The following DDOST variants were observed in gnomAD, a reference collection of about 807,000 sequenced individuals.
DDOST encodes the protein dolichyl-diphosphooligosaccharide--protein glycosyltransferase non-catalytic subunit.
DDOST carries 25 observed loss-of-function variants against 47.6 expected under a neutral mutation model. That is an observed-to-expected ratio of 0.53 (90% CI 0.38 to 0.73). The LOEUF is 0.73. Ranked by LOEUF, DDOST falls within the 30% of genes least tolerant of loss-of-function variation. DDOST has a pLI of 0.00. For missense variants in DDOST, 526 were observed against 573.9 expected (o/e 0.92, Z 0.85); for synonymous variants, 275 against 236.0 (o/e 1.17, Z -1.51).
At chr1:20,660,231 A>G (rs2053420432) in intron 2 of DDOST, among the ~76,000 whole-genome samples, 1 of 152,232 alleles carries the variant, frequency 6.6e-6, no homozygotes, top group Admixed American at 6.5e-5. Context: ...AACAAAATAA[A>G]GCAGGAGACA....
chr1:20,655,559 G>GGT, intron 4 of DDOST, 25 bp from the exon 5 acceptor site: 1 of 1,609,730 alleles, frequency 6.2e-7, no homozygotes, highest in South Asian at 1.1e-5. Flanking sequence ...TGGAAAGGTG[G>GGT]GTGGTCAGGA....
chr1:20,658,325 T>C (rs1353442090), intron 2 of DDOST, among the ~76,000 whole-genome samples: 2 of 152,186 alleles, frequency 1.3e-5, no homozygotes, highest in East Asian at 3.9e-4. Flanking sequence ...AGGCCAGCAC[T>C]CACTCACCTG....
intron 2 of DDOST, 95 bp downstream of exon 2, chr1:20,660,786 C>A: frequency 1.4e-6 from 1 of 733,904 alleles, no homozygotes; most frequent in Admixed American, 2.3e-5. Flanking sequence ...GGCAACCCAT[C>A]CTGTGACCCA....
chr1:20,652,212 TA>T lies in DDOST; in HGVS notation c.*166del, dbSNP rs931204168. The stretch of plus-strand genomic sequence containing the variant: ...TCAAAGTGGAAAAACTTCTTTTATA[TA>T]AAAATTATCCCAACTCCCACCCCTT... On this transcript the variant is annotated 3_prime_UTR_variant, in exon 11 of 11. Coordinates refer to ENST00000602624, the MANE Select transcript of DDOST (RefSeq NM_005216.5). 4.8e-6 allele frequency: 3 copies of T among 628,914 alleles called. No individual in the cohort carries two copies. The highest frequency in any genetic ancestry group is 3.0e-5 in the South Asian group (1 of 32,816). 39.0% of individuals were successfully genotyped at this position (628,914 alleles called of 1,614,324 possible).
At position 20,652,334 on chromosome 1, in the gene DDOST, C is replaced by G; in HGVS notation, c.*45G>C. 1 of 1,511,340 alleles carries G rather than the reference C, an allele frequency of 6.6e-7. No homozygotes were observed. Among genetic ancestry groups the G allele is most frequent in the Non-Finnish European group, 8.8e-7 (1 of 1,131,264 alleles). 93.6% of individuals were successfully genotyped at this position (1,511,340 alleles called of 1,614,324 possible). ...CAAAACCACCAATCCTAATAACCCC[C>G]CTCCTTGCCCCGTCTCCACGCTGTG... On this transcript the variant is annotated 3_prime_UTR_variant, in exon 11 of 11. Coordinates refer to ENST00000602624, the MANE Select transcript of DDOST (RefSeq NM_005216.5).
At chr1:20,653,837 G>C (rs954150622) in intron 7 of DDOST, 63 bp from the exon 8 acceptor site, 2 of 1,556,772 alleles carry the variant, frequency 1.3e-6, no homozygotes, top group African/African-American at 2.7e-5. Flanking sequence ...TGCCTGATGG[G>C]CAGGACCACT....
intron 5 of DDOST, 72 bp downstream of exon 5, chr1:20,655,368 A>G: frequency 8.0e-7 from 1 of 1,255,830 alleles, no homozygotes; most frequent in Non-Finnish European, 1.1e-6. Context: ...TTTTGCCTTG[A>G]TTTCCCAAAA....
intron 10 of DDOST, 23 bp downstream of exon 10, chr1:20,652,598 C>G: frequency 6.2e-7 from 1 of 1,614,132 alleles, no homozygotes; most frequent in Non-Finnish European, 8.5e-7. Flanking sequence ...TAGCTGAAAA[C>G]AGAAGCTGTC....
Position 20,654,360 on chromosome 1 carries a change from C to T in DDOST, c.657G>A (p.Ala219=), listed in dbSNP as rs761610774. The stretch of plus-strand genomic sequence containing the variant: ...CAATGAGGAGGGTGTTCTTCCCCAC[C>T]GCATGTGGATACTGGGAACAAAACG... ...PDKPITQYPH[A]VGKNTLLIAG... Residue 219 remains alanine (A), a synonymous_variant, in exon 7 of 11, where the codon GCG becomes GCA. Coordinates refer to ENST00000602624, the MANE Select transcript of DDOST (RefSeq NM_005216.5). The T allele has an allele frequency of 1.9e-5, 29 of 1,559,780 alleles. No homozygotes were observed. The highest frequency in any genetic ancestry group is 9.6e-5 in the East Asian group (4 of 41,802).
At chr1:20,660,600 G>A (rs1289519114) in intron 2 of DDOST, 1 of 272,824 alleles carries the variant, frequency 3.7e-6, no homozygotes, top group East Asian at 7.7e-5. Flanking sequence ...CTTTTTATCA[G>A]GCCCTTTACA....
chr1:20,661,014 T>C (rs770645431), intron 1 of DDOST, 23 bp from the exon 2 acceptor site: 1 of 1,579,500 alleles, frequency 6.3e-7, no homozygotes, highest in Non-Finnish European at 8.7e-7. Flanking sequence ...AAACAGGTAG[T>C]TGAGGAAGAC....
At chr1:20,659,413 C>T (rs888553598) in intron 2 of DDOST, among the ~76,000 whole-genome samples, 1 of 152,146 alleles carries the variant, frequency 6.6e-6, no homozygotes, top group Non-Finnish European at 1.5e-5. Flanking sequence ...CATCTTACAT[C>T]CTGACACAGG....
At position 20,652,933 on chromosome 1, in the gene DDOST, T is replaced by C. The variant is rs1187779212; in HGVS notation, c.981A>G (p.Lys327=). 1 of 1,614,168 alleles carries C rather than the reference T, an allele frequency of 6.2e-7. No individual in the cohort carries two copies. The highest frequency in any genetic ancestry group is 8.5e-7 in the Non-Finnish European group (1 of 1,180,018). ...SIVIQQLSNG[K]WVPFDGDDIQ... ...TGTCATCGCCATCAAAGGGGACCCA[T>C]TTGCCATTTGAGAGCTGCTGGATCA... The change falls in exon 9 of 11, where the codon AAA becomes AAG. Residue 327 remains lysine (K), a synonymous_variant. Coordinates refer to ENST00000602624, the MANE Select transcript of DDOST (RefSeq NM_005216.5).
At position 20,655,663 on chromosome 1, in the gene DDOST, C is replaced by T. The variant is rs761964650; in HGVS notation, c.456+13G>A. On this transcript the variant is annotated intron_variant, in intron 4 of 10. Coordinates refer to ENST00000602624, the MANE Select transcript of DDOST (RefSeq NM_005216.5). ...TATGCCCCTGAAACCTGGAAGGTGA[C>T]AGGCCTGATTACCTGGCCAAGGTCT... 6.2e-7 allele frequency: 1 copy of T among 1,607,794 alleles called. No homozygotes were observed. The highest frequency in any genetic ancestry group is 1.1e-5 in the South Asian group (1 of 90,970).
Position 20,652,499 on chromosome 1 carries a change from C to T in DDOST, c.1200G>A (p.Gln400=), listed in dbSNP as rs2053304637. ...QVSVRPLQHT[Q]YERFIPSAYP... Reference sequence around the variant, plus strand: ...AGGCCGAGGGGATGAAGCGCTCATACTGCGTGTGCTGGAGTGGCCGCACGG... The same window carrying T: ...AGGCCGAGGGGATGAAGCGCTCATATTGCGTGTGCTGGAGTGGCCGCACGG... The change falls in exon 11 of 11, where the codon CAG becomes CAA. Residue 400 remains glutamine (Q), a synonymous_variant. Coordinates refer to ENST00000602624, the MANE Select transcript of DDOST (RefSeq NM_005216.5). 6.2e-7 allele frequency: 1 copy of T among 1,614,034 alleles called. No individual in the cohort carries two copies. The highest frequency in any genetic ancestry group is 8.5e-7 in the Non-Finnish European group (1 of 1,179,976).
At chr1:20,659,803 A>G (rs2053416415) in intron 2 of DDOST, among the ~76,000 whole-genome samples, 1 of 152,156 alleles carries the variant, frequency 6.6e-6, no homozygotes, top group Non-Finnish European at 1.5e-5. Context: ...CCAGTTATTC[A>G]GGAGGCTGAG....
At chr1:20,660,205 T>G (rs1254485558) in intron 2 of DDOST, among the ~76,000 whole-genome samples, 4 of 152,208 alleles carry the variant, frequency 2.6e-5, no homozygotes. Context: ...TTCTCTAAGG[T>G]GCTGGGGAGC....
rs551086664 is a variant in DDOST at position 20,652,790 on chromosome 1, C to T, written c.1063+61G>A. 99 of 1,604,912 alleles carry T rather than the reference C, an allele frequency of 6.2e-5. No individual in the cohort carries two copies. The East Asian group carries it at 1.9e-3, about 32-fold the overall frequency. ...CCCAGAGCTTTTCCTGGTTGGGCCT[C>T]GAGAGCAAGTGAGGCCTGGGGCCGT... On this transcript the variant is annotated intron_variant, in intron 9 of 10. Coordinates refer to ENST00000602624, the MANE Select transcript of DDOST (RefSeq NM_005216.5).
Position 20,661,345 on chromosome 1 carries a change from C to G in DDOST, c.6G>C (p.Glu2Asp). M[E>D]PSTAARAWAL... ...CCCAAGCCCGGGCCGCGGTGCTGGG[C>G]TCCATCTTCCTCCTCCTGCCGAAGG... The change falls in exon 1 of 11, where the codon GAG becomes GAC. Residue 2 changes from glutamate to aspartate, a missense_variant. By Grantham distance (45) the Glu-to-Asp change is conservative. Coordinates refer to ENST00000602624, the MANE Select transcript of DDOST (RefSeq NM_005216.5). 6.2e-7 allele frequency: 1 copy of G among 1,612,292 alleles called. No homozygotes were observed. Among genetic ancestry groups the G allele is most frequent in the Non-Finnish European group, 8.5e-7 (1 of 1,179,642 alleles).
Sources: allele counts gnomAD v4.1 joint callset (sites outside exome capture counted in the v4.1 genomes callset), GRCh38; gene constraint gnomAD v4.1.1; transcripts MANE v1.5; gene names NCBI Gene and HGNC (gene_info 2026-07-23, HGNC 2026-07-21).